Variants in DRC11 observed in about 807,000 individuals in gnomAD.
DRC11 encodes the protein IQ and AAA domain-containing protein 1.
At chr2:236,384,122 C>T in the DRC11 span, among the ~76,000 whole-genome samples, 1 of 151,360 alleles carries the variant, frequency 6.6e-6, no homozygotes, top group African/African-American at 2.4e-5. Context: ...CCACAATAAA[C>T]ATACGTGTGC....
the DRC11 span, among the ~76,000 whole-genome samples, chr2:236,312,664 C>A: frequency 6.6e-6 from 1 of 151,140 alleles, no homozygotes; most frequent in South Asian, 2.1e-4. Flanking sequence ...CAAGTTAAAT[C>A]CCAAGAAATA....
At chr2:236,478,952 G>A in the DRC11 span, among the ~76,000 whole-genome samples, 1 of 152,014 alleles carries the variant, frequency 6.6e-6, no homozygotes, top group African/African-American at 2.4e-5. This position sits in a 1 kb window ranked among gnomAD's most constrained non-coding sequence, Gnocchi z 5.9. Flanking sequence ...AGCCTCTCAA[G>A]TAGCTGGGAC....
At chr2:236,492,812 A>G in the DRC11 span, among the ~76,000 whole-genome samples, 1 of 152,224 alleles carries the variant, frequency 6.6e-6, no homozygotes. Context: ...TGGTCATGAG[A>G]GTCAGGCTAA....
chr2:236,491,211 TAC>T, the DRC11 span, among the ~76,000 whole-genome samples: 45 of 38,750 alleles, frequency 1.2e-3, no homozygotes, highest in South Asian at 3.1e-3. Context: ...TATATATATA[TAC>T]ACACAGTATA....
chr2:236,500,387 G>A, the DRC11 span, among the ~76,000 whole-genome samples: 9 of 152,264 alleles, frequency 5.9e-5, no homozygotes, highest in Admixed American at 1.3e-4. This position sits in a 1 kb window ranked among gnomAD's most constrained non-coding sequence, Gnocchi z 6.3. Context: ...GAAAGCAGAC[G>A]AGGAAGGAGG....
the DRC11 span, among the ~76,000 whole-genome samples, chr2:236,416,352 G>C: frequency 6.6e-6 from 1 of 152,018 alleles, no homozygotes; most frequent in African/African-American, 2.4e-5. Context: ...CCTTAGACTG[G>C]AGCAATTCCT....
the DRC11 span, among the ~76,000 whole-genome samples, chr2:236,409,677 G>C: frequency 6.6e-6 from 1 of 151,968 alleles, no homozygotes; most frequent in Non-Finnish European, 1.5e-5. Context: ...GGGCATCCCT[G>C]TCTTGTGCCC....
the DRC11 span, among the ~76,000 whole-genome samples, chr2:236,462,939 C>T: frequency 6.6e-6 from 1 of 152,168 alleles, no homozygotes; most frequent in Non-Finnish European, 1.5e-5. This position sits in a 1 kb window ranked among gnomAD's most constrained non-coding sequence, Gnocchi z 6.4. Context: ...CCCTCCCCCA[C>T]TGCTTTTTAA....
the DRC11 span, among the ~76,000 whole-genome samples, chr2:236,440,351 A>G: frequency 6.6e-6 from 1 of 152,288 alleles, no homozygotes; most frequent in South Asian, 2.1e-4. Context: ...AGGAGATAAG[A>G]CAAATTGCCC....
chr2:236,312,657 G>A, the DRC11 span, among the ~76,000 whole-genome samples: 11 of 151,794 alleles, frequency 7.2e-5, no homozygotes, highest in African/African-American at 2.7e-4. Context: ...ATAACAGCAA[G>A]TTAAATCCCA....
chr2:236,317,299 GAAA>G, the DRC11 span, among the ~76,000 whole-genome samples: 22 of 139,946 alleles, frequency 1.6e-4, no homozygotes, highest in East Asian at 1.6e-3. This position sits in a 1 kb window ranked among gnomAD's most constrained non-coding sequence, Gnocchi z 5.4. Flanking sequence ...CATATCGGGG[GAAA>G]AAAAAAAAAA....
At chr2:236,487,928 C>A in the DRC11 span, 1 of 1,056,128 alleles carries the variant, frequency 9.5e-7, no homozygotes, top group Non-Finnish European at 1.3e-6. Context: ...TGAAGCTCAG[C>A]CCCAAAATTG....
chr2:236,408,468 C>A, the DRC11 span: 1 of 739,556 alleles, frequency 1.4e-6, no homozygotes, highest in South Asian at 1.4e-5. The surrounding 1 kb of genome is among the most constrained non-coding windows in gnomAD (Gnocchi z 5.5). Flanking sequence ...GTATGGGCTG[C>A]TCTAGCCTCT....
the DRC11 span, among the ~76,000 whole-genome samples, chr2:236,436,829 T>C: frequency 2.0e-5 from 3 of 152,204 alleles, no homozygotes; most frequent in Non-Finnish European, 4.4e-5. Context: ...TTATCTGTTA[T>C]TTTTGTTGTT....
At chr2:236,316,458 A>G in the DRC11 span, among the ~76,000 whole-genome samples, 6 of 152,230 alleles carry the variant, frequency 3.9e-5, no homozygotes, top group African/African-American at 4.8e-5. The surrounding 1 kb of genome is among the most constrained non-coding windows in gnomAD (Gnocchi z 6.8). Context: ...CCACCGCAAG[A>G]ACTTTCATTA....
chr2:236,482,238 A>G, the DRC11 span, among the ~76,000 whole-genome samples: 1 of 152,020 alleles, frequency 6.6e-6, no homozygotes, highest in Non-Finnish European at 1.5e-5. This position sits in a 1 kb window ranked among gnomAD's most constrained non-coding sequence, Gnocchi z 4.5. Context: ...GCATATCACT[A>G]CATTATACAG....
chr2:236,414,995 C>CTTATAATAGATTTTTTT, the DRC11 span, among the ~76,000 whole-genome samples: 1 of 152,082 alleles, frequency 6.6e-6, no homozygotes, highest in Non-Finnish European at 1.5e-5. Flanking sequence ...GTTCTCATGA[C>CTTATAATAGATTTTTTT]TTTTTTTGCA....
chr2:236,466,389 T>C, the DRC11 span, among the ~76,000 whole-genome samples: 1,552 of 152,362 alleles, frequency 0.01, 15 homozygotes, highest in Non-Finnish European at 0.016. Flanking sequence ...CATTTAATTA[T>C]GAGATGTTCT....
chr2:236,427,224 T>C, the DRC11 span, among the ~76,000 whole-genome samples: 17 of 152,228 alleles, frequency 1.1e-4, no homozygotes, highest in Non-Finnish European at 1.9e-4. The surrounding 1 kb of genome is among the most constrained non-coding windows in gnomAD (Gnocchi z 5.9). Flanking sequence ...ATCATGAACA[T>C]TGGCTTATAA....
Sources: allele counts gnomAD v4.1 joint callset (sites outside exome capture counted in the v4.1 genomes callset), GRCh38; gene constraint gnomAD v4.1.1; non-coding constraint Gnocchi (gnomAD v3.1); transcripts MANE v1.5; gene names NCBI Gene and HGNC (gene_info 2026-07-23, HGNC 2026-07-21).